The following PSAT1 variants were observed in gnomAD, a reference collection of about 807,000 sequenced individuals.
PSAT1 encodes the protein phosphoserine aminotransferase 1.
A neutral mutation model predicts 40.3 loss-of-function variants in PSAT1; 41 were observed. The observed-to-expected ratio is 1.02, with a 90% CI of 0.79 to 1.32. PSAT1 has a LOEUF of 1.32. Among genes scored for constraint, PSAT1 ranks in the 40% most tolerant of loss-of-function variants. The pLI is 0.00. For missense variants in PSAT1, 406 were observed against 455.8 expected (o/e 0.89, Z 0.99); for synonymous variants, 147 against 170.5 (o/e 0.86, Z 1.07).
At chr9:78,304,519 C>G (rs887104709) in intron 3 of PSAT1, among the ~76,000 whole-genome samples, 1 of 152,182 alleles carries the variant, frequency 6.6e-6, no homozygotes, top group African/African-American at 2.4e-5. Flanking sequence ...TCAGGTCAAA[C>G]AGTAACCCTA....
intron 5 of PSAT1, 85 bp downstream of exon 5, chr9:78,306,571 C>G: frequency 3.2e-6 from 5 of 1,560,616 alleles, no homozygotes; most frequent in Non-Finnish European, 4.4e-6. Flanking sequence ...CGGGAAGAAC[C>G]ATGGGTGTTT....
intron 6 of PSAT1, among the ~76,000 whole-genome samples, chr9:78,309,620 T>C (rs6559375): frequency 0.31 from 47,216 of 152,166 alleles, 7,671 homozygotes; most frequent in East Asian, 0.45. Context: ...GCTTTGGCCT[T>C]CTAAAGCGTT....
chr9:78,304,506 G>A (rs1171563160), intron 3 of PSAT1, among the ~76,000 whole-genome samples: 6 of 152,332 alleles, frequency 3.9e-5, no homozygotes, highest in Non-Finnish European at 1.5e-5. Context: ...AGGAGGAAGA[G>A]CTTCAGGTCA....
In PSAT1 at chr9:78,304,879, A is replaced by G; in HGVS notation, c.336A>G (p.Ala112=). 1 of 1,613,964 alleles carries G rather than the reference A, an allele frequency of 6.2e-7. No homozygotes were observed. Among genetic ancestry groups the G allele is most frequent in the East Asian group, 2.2e-5 (1 of 44,876 alleles). ...CAGGAGCTTGGTCAGCTAAGGCCGC[A>G]GAAGAAGCCAAGAAGTTTGGGACTA... ...VVTGAWSAKA[A]EEAKKFGTIN... The change falls in exon 4 of 9, where the codon GCA becomes GCG. Residue 112 remains alanine (A), a synonymous_variant. Transcript: ENST00000376588.
In PSAT1 at chr9:78,304,730, C is replaced by G; in HGVS notation, c.192-5C>G. The G allele has an allele frequency of 1.2e-6, 2 of 1,611,464 alleles. No homozygotes were observed. The highest frequency in any genetic ancestry group is 1.1e-5 in the South Asian group (1 of 91,052). On this transcript the variant is annotated splice_region_variant and splice_polypyrimidine_tract_variant and intron_variant, in intron 3 of 8. Coordinates refer to ENST00000376588, the MANE Select transcript of PSAT1 (RefSeq NM_058179.4). ...GTATTGACTGTTACCTATGCTTCTG[C>G]CCAGAGCTGTTCCAGACAACTATAA...
intron 7 of PSAT1, among the ~76,000 whole-genome samples, chr9:78,321,535 A>AC (rs1828429131): frequency 6.6e-6 from 1 of 151,788 alleles, no homozygotes; most frequent in Non-Finnish European, 1.5e-5. Flanking sequence ...GAGAAGATGC[A>AC]CCCCCTCCCC....
intron 6 of PSAT1, among the ~76,000 whole-genome samples, chr9:78,311,701 G>A (rs1023528501): frequency 3.3e-5 from 5 of 151,926 alleles, no homozygotes; most frequent in Admixed American, 2.6e-4. Flanking sequence ...GCATGGTGGC[G>A]GGTGCCTGTA....
chr9:78,329,073 T>A lies in PSAT1; in HGVS notation c.1100T>A (p.Met367Lys). Reference sequence around the variant, plus strand: ...GCCTTCATGAAAAAATTTTTGGAGATGCATCAGCTATGAACACATCCTAAC... The same window carrying A: ...GCCTTCATGAAAAAATTTTTGGAGAAGCATCAGCTATGAACACATCCTAAC... ...LAAFMKKFLE[M>K]HQL is the part of the protein sequence containing the mutation. Residue 367 changes from methionine (M) to lysine (K), a missense_variant, in exon 9 of 9, where the codon ATG becomes AAG. Transcript: ENST00000376588. 1 of 1,610,290 alleles carries A rather than the reference T, an allele frequency of 6.2e-7. No homozygotes were observed. Among genetic ancestry groups the A allele is most frequent in the South Asian group, 1.1e-5 (1 of 90,960 alleles).
intron 7 of PSAT1, among the ~76,000 whole-genome samples, 165 bp downstream of exon 7, chr9:78,317,969 T>A (rs954239548): frequency 2.0e-5 from 3 of 151,306 alleles, no homozygotes; most frequent in Non-Finnish European, 4.4e-5. Flanking sequence ...GGGTGGTGAG[T>A]TCTTCCCTCC....
chr9:78,301,111 G>T (rs1273656247), intron 2 of PSAT1, among the ~76,000 whole-genome samples: 1 of 152,024 alleles, frequency 6.6e-6, no homozygotes, highest in Non-Finnish European at 1.5e-5. Context: ...GGCCTTTATA[G>T]ATACATTTTT....
At chr9:78,316,208 C>T (rs752368889) in intron 6 of PSAT1, among the ~76,000 whole-genome samples, 6 of 152,190 alleles carry the variant, frequency 3.9e-5, no homozygotes, top group Non-Finnish European at 7.3e-5. Context: ...CCACCTGCCA[C>T]GTGCCAGGCC....
intron 1 of PSAT1, among the ~76,000 whole-genome samples, chr9:78,299,514 C>CTTTTTTTT (rs57722137): frequency 2.5e-5 from 3 of 118,524 alleles, no homozygotes; most frequent in Non-Finnish European, 3.3e-5. Context: ...TAATCTAATT[C>CTTTTTTTT]TTTTTTTTTT....
chr9:78,317,573 T>C (rs1023186411), intron 6 of PSAT1, 103 bp from the exon 7 acceptor site: 17 of 1,301,590 alleles, frequency 1.3e-5, no homozygotes, highest in Non-Finnish European at 1.8e-5. Context: ...TCAAATAATG[T>C]GTTTAAGTCT....
chr9:78,302,648 C>T (rs969165197), intron 3 of PSAT1, among the ~76,000 whole-genome samples: 1 of 150,466 alleles, frequency 6.6e-6, no homozygotes, highest in Non-Finnish European at 1.5e-5. Context: ...GCAGGAGAAT[C>T]GCTTGAACCA....
At position 78,299,916 on chromosome 9, in the gene PSAT1, A is replaced by G. The variant is rs536222491; in HGVS notation, c.61-686A>G. ...TGCCCTCCTTAGCAAGCATCTTAAA[A>G]AAAAAGGTGCCTCCTATCTGTAGAC... On this transcript the variant is annotated intron_variant, in intron 1 of 8. Transcript: ENST00000376588. Among the ~76,000 whole-genome samples, 5 of 152,340 alleles carry G rather than the reference A, an allele frequency of 3.3e-5. No individual in the cohort carries two copies. In the South Asian group the frequency reaches 8.3e-4, roughly 25 times the overall value.
At position 78,306,368 on chromosome 9, in the gene PSAT1, A is replaced by G. The variant is rs1329274216; in HGVS notation, c.452A>G (p.Tyr151Cys). 6.2e-7 allele frequency: 1 copy of G among 1,613,316 alleles called. No homozygotes were observed. Among genetic ancestry groups the G allele is most frequent in the Non-Finnish European group, 8.5e-7 (1 of 1,179,982 alleles). Residue 151 changes from tyrosine (Y) to cysteine (C), a missense_variant, in exon 5 of 9, where the codon TAT becomes TGT. Tyr to Cys is a radical substitution (Grantham distance 194, BLOSUM62 -2). Coordinates refer to ENST00000376588, the MANE Select transcript of PSAT1 (RefSeq NM_058179.4). ...NLNPDASYVY[Y>C]CANETVHGVE... ...AACCCAGATGCCTCCTACGTGTATT[A>G]TTGCGCAAATGAGACGGTGCATGGT...
At position 78,304,845 on chromosome 9, in the gene PSAT1, A is replaced by G; in HGVS notation, c.302A>G (p.Tyr101Cys). 1.9e-6 allele frequency: 3 copies of G among 1,614,164 alleles called. No individual in the cohort carries two copies. The highest frequency in any genetic ancestry group is 2.2e-5 in the East Asian group (1 of 44,872). The change falls in exon 4 of 9, where the codon TAT becomes TGT. Residue 101 changes from tyrosine to cysteine, a missense_variant. Physicochemically the swap from Tyr to Cys is radical, Grantham distance 194. Transcript: ENST00000376588. ...IGLKAGRCAD[Y>C]VVTGAWSAKA... ...TTGAAAGCAGGAAGGTGTGCTGACT[A>G]TGTGGTGACAGGAGCTTGGTCAGCT...
chr9:78,318,805 G>C (rs1828386340), intron 7 of PSAT1, among the ~76,000 whole-genome samples: 1 of 152,198 alleles, frequency 6.6e-6, no homozygotes, highest in Non-Finnish European at 1.5e-5. Context: ...CTGGGGGTTA[G>C]GACATGCGCA....
At chr9:78,315,925 AT>A (rs143587662) in intron 6 of PSAT1, among the ~76,000 whole-genome samples, 1,559 of 152,168 alleles carry the variant, frequency 0.01, 25 homozygotes, top group African/African-American at 0.036. Context: ...CTCCCAGTAA[AT>A]TTTTGCACAA....
Sources: allele counts gnomAD v4.1 joint callset (sites outside exome capture counted in the v4.1 genomes callset), GRCh38; gene constraint gnomAD v4.1.1; transcripts MANE v1.5; gene names NCBI Gene and HGNC (gene_info 2026-07-23, HGNC 2026-07-21).